Variants in WFDC3 observed in about 807,000 individuals in gnomAD.
WFDC3 encodes the protein WAP four-disulfide core domain protein 3.
In WFDC3, 15 loss-of-function variants were observed where a neutral mutation model predicts 25.8. The observed-to-expected ratio is 0.58, with a 90% confidence interval of 0.39 to 0.89. WFDC3 has a LOEUF of 0.89. Among genes scored for constraint, WFDC3 ranks in the 40% least tolerant of loss-of-function variants. WFDC3 has a pLI of 0.00. For missense variants in WFDC3, 264 were observed against 289.8 expected (o/e 0.91, Z 0.65); for synonymous variants, 103 against 107.1 (o/e 0.96, Z 0.24).
chr20:45,775,861 G>C (rs766559057), intron 5 of WFDC3, among the ~76,000 whole-genome samples: 1 of 151,928 alleles, frequency 6.6e-6, no homozygotes, highest in African/African-American at 2.4e-5. Flanking sequence ...CACCTCTGCA[G>C]GTTTGGGGTG....
At chr20:45,780,063 CTTTT>C (rs3080097) in intron 4 of WFDC3, among the ~76,000 whole-genome samples, 2,067 of 88,632 alleles carry the variant, frequency 0.023, 44 homozygotes, top group African/African-American at 0.077. Flanking sequence ...GCCTTTATAC[CTTTT>C]TTTTTTTTTT....
chr20:45,782,235 T>C (rs1980478310), intron 4 of WFDC3, among the ~76,000 whole-genome samples: 1 of 152,136 alleles, frequency 6.6e-6, no homozygotes, highest in African/African-American at 2.4e-5. Flanking sequence ...TCTACCACCC[T>C]TCTTGATACC....
intron 5 of WFDC3, among the ~76,000 whole-genome samples, chr20:45,776,350 G>A (rs1980155771): frequency 6.9e-6 from 1 of 143,908 alleles, no homozygotes; most frequent in South Asian, 2.2e-4. Flanking sequence ...GCTCACGCCT[G>A]TAATTCCAGC....
intron 5 of WFDC3, 91 bp from the exon 6 acceptor site, chr20:45,775,693 G>T: frequency 1.3e-6 from 2 of 1,521,060 alleles, no homozygotes; most frequent in East Asian, 4.5e-5. Context: ...GAGGCTCTAG[G>T]TCAATCAACC....
At position 45,788,116 on chromosome 20, in the gene WFDC3, C is replaced by T. The variant is rs1423304760; in HGVS notation, c.212-134G>A. On this transcript the variant is annotated intron_variant, in intron 3 of 6. Coordinates refer to ENST00000243938, the MANE Select transcript of WFDC3 (RefSeq NM_080614.2). Reference sequence around the variant, plus strand: ...GTAGGGAGTTCGAGAACAGCCTGGCCAACATGGAGAAACCCCATCTCTACT... The same window carrying T: ...GTAGGGAGTTCGAGAACAGCCTGGCTAACATGGAGAAACCCCATCTCTACT... 6 of 873,338 alleles carry T rather than the reference C, an allele frequency of 6.9e-6. No individual in the cohort carries two copies. In the East Asian group the frequency reaches 1.6e-4, roughly 24 times the overall value. 54.1% of individuals were successfully genotyped at this position (873,338 alleles called of 1,614,324 possible).
Position 45,791,860 on chromosome 20 carries a change from G to C in WFDC3, c.-36C>G, listed in dbSNP as rs1788712990. 5 of 499,282 alleles carry C rather than the reference G, an allele frequency of 1.0e-5. No individual in the cohort carries two copies. Among genetic ancestry groups the C allele is most frequent in the Non-Finnish European group, 1.6e-5 (5 of 319,178 alleles). The allele number at this position is 499,282 out of a possible 1,614,324, so 30.9% of individuals were successfully genotyped here. On this transcript the variant is annotated 5_prime_UTR_variant, in exon 1 of 7. Coordinates refer to ENST00000243938, the MANE Select transcript of WFDC3 (RefSeq NM_080614.2). ...GCCTCTAAGTGTAACTGTCCTGGGCGAGGCGCGGCGGTTCGGTTCCCATGG... is the reference window on the plus strand; with the variant it reads ...GCCTCTAAGTGTAACTGTCCTGGGCCAGGCGCGGCGGTTCGGTTCCCATGG...
chr20:45,781,449 T>C (rs1485935980), intron 4 of WFDC3, among the ~76,000 whole-genome samples: 1 of 152,214 alleles, frequency 6.6e-6, no homozygotes, highest in Non-Finnish European at 1.5e-5. Context: ...TACTTCCAGG[T>C]TCAGTGATTC....
chr20:45,791,173 CTTTTTTTTTTTTTTTT>C (rs71181859), intron 1 of WFDC3, among the ~76,000 whole-genome samples: 4 of 63,894 alleles, frequency 6.3e-5, no homozygotes, highest in African/African-American at 1.1e-4. Context: ...GCCTAATATG[CTTTTTTTTTTTTTTTT>C]TTTTTTTTTT....
At chr20:45,784,717 G>A (rs1980594559) in intron 4 of WFDC3, among the ~76,000 whole-genome samples, 1 of 152,132 alleles carries the variant, frequency 6.6e-6, no homozygotes, top group African/African-American at 2.4e-5. Flanking sequence ...CTCCAGCCTG[G>A]GCAACAATAG....
In WFDC3 at chr20:45,777,452, G is replaced by T. The variant is rs543162095; in HGVS notation, c.359-243C>A. Among the ~76,000 whole-genome samples, 81 of 152,260 alleles carry T rather than the reference G, an allele frequency of 5.3e-4. No individual in the cohort carries two copies. In the South Asian group the frequency reaches 9.1e-3, roughly 17 times the overall value. ...TGCAGCCTCAAACTCCTGCATTCAAGGGATCCTCCCACCTCAGCCTCCTGA... is the reference window on the plus strand; with the variant it reads ...TGCAGCCTCAAACTCCTGCATTCAATGGATCCTCCCACCTCAGCCTCCTGA... On this transcript the variant is annotated intron_variant, in intron 4 of 6. Coordinates refer to ENST00000243938, the MANE Select transcript of WFDC3 (RefSeq NM_080614.2).
Position 45,774,364 on chromosome 20 carries a change from C to T in WFDC3, c.*64G>A. 1.2e-6 allele frequency: 2 copies of T among 1,611,862 alleles called. No homozygotes were observed. Among genetic ancestry groups the T allele is most frequent in the Admixed American group, 1.7e-5 (1 of 60,008 alleles). ...AATGTCACAAGCCCCAGGATGTCAC[C>T]CTCTCTTGACTGCCAGGAAAAGCTT... On this transcript the variant is annotated 3_prime_UTR_variant, in exon 7 of 7. Transcript: ENST00000243938.
intron 5 of WFDC3, 148 bp downstream of exon 5, chr20:45,776,927 G>C: frequency 7.9e-7 from 1 of 1,263,556 alleles, no homozygotes; most frequent in Non-Finnish European, 1.1e-6. Flanking sequence ...TGTCGACAGG[G>C]CCCCTCGGCC....
chr20:45,774,562 C>G, intron 6 of WFDC3, 118 bp from the exon 7 acceptor site: 1 of 1,339,092 alleles, frequency 7.5e-7, no homozygotes, highest in Non-Finnish European at 1.1e-6. Flanking sequence ...TCTTAAATAG[C>G]TCCTTGCTTC....
chr20:45,785,978 G>C (rs933463421), intron 4 of WFDC3, among the ~76,000 whole-genome samples: 3 of 152,022 alleles, frequency 2.0e-5, no homozygotes, highest in Non-Finnish European at 2.9e-5. Context: ...TCATCTTAAG[G>C]CCTCTGTGTG....
intron 6 of WFDC3, among the ~76,000 whole-genome samples, chr20:45,774,816 G>A (rs1177800291): frequency 3.3e-5 from 5 of 151,954 alleles, no homozygotes; most frequent in African/African-American, 9.7e-5. Flanking sequence ...GATGGCAGGC[G>A]CCTGTAAATC....
chr20:45,777,000 T>TC (rs1223470000), intron 5 of WFDC3, 75 bp downstream of exon 5: 2 of 1,603,298 alleles, frequency 1.2e-6, no homozygotes, highest in Non-Finnish European at 1.7e-6. Context: ...GAATCCTAGC[T>TC]CCTCCCAGGA....
intron 6 of WFDC3, 135 bp from the exon 7 acceptor site, chr20:45,774,579 A>G: frequency 8.7e-7 from 1 of 1,146,062 alleles, no homozygotes; most frequent in Non-Finnish European, 1.3e-6. Context: ...CTTCCCAGAC[A>G]ATCCAATCCA....
chr20:45,788,784 G>T, intron 3 of WFDC3, 147 bp downstream of exon 3: 1 of 1,086,794 alleles, frequency 9.2e-7, no homozygotes, highest in South Asian at 1.8e-5. Context: ...ATTAAAGGAG[G>T]AGGGACCCTA....
Position 45,774,330 on chromosome 20 carries a change from G to GC in WFDC3, c.*97dup, listed in dbSNP as rs1980036921. On this transcript the variant is annotated 3_prime_UTR_variant, in exon 7 of 7. Coordinates refer to ENST00000243938, the MANE Select transcript of WFDC3 (RefSeq NM_080614.2). ...AAGCAGAGCAGAGAGGGCCATGAGT[G>GC]CCCCTGGAAATGTCACAAGCCCCAG... is the stretch of plus-strand genomic sequence containing the variant. 1 of 1,529,312 alleles carries GC rather than the reference G, an allele frequency of 6.5e-7. No homozygotes were observed. Among genetic ancestry groups the GC allele is most frequent in the Non-Finnish European group, 9.1e-7 (1 of 1,103,536 alleles). 94.7% of individuals were successfully genotyped at this position (1,529,312 alleles called of 1,614,324 possible). A position where few individuals can be genotyped will look rare whatever the true frequency, so the allele number is the denominator to read the frequency against.
Sources: allele counts gnomAD v4.1 joint callset (sites outside exome capture counted in the v4.1 genomes callset), GRCh38; gene constraint gnomAD v4.1.1; transcripts MANE v1.5; gene names NCBI Gene and HGNC (gene_info 2026-07-23, HGNC 2026-07-21).